Variants in CNTN5 observed in about 807,000 individuals in gnomAD.
The protein encoded by CNTN5 is contactin-5.
CNTN5 carries 77 observed loss-of-function variants against 129.1 expected under a neutral mutation model. The ratio of observed to expected loss-of-function variants is 0.60; its 90% CI spans 0.50 to 0.72. The LOEUF is 0.72. Ranked by LOEUF, CNTN5 falls within the 30% of genes least tolerant of loss-of-function variation. The pLI, the probability that CNTN5 is intolerant of heterozygous loss-of-function variation, is 0.00. For missense variants in CNTN5, 1,478 were observed against 1,328.8 expected (o/e 1.11, Z -1.75); for synonymous variants, 509 against 465.6 (o/e 1.09, Z -1.20).
intron 2 of CNTN5, among the ~76,000 whole-genome samples, chr11:99,418,312 A>T (rs1280393799): frequency 6.6e-6 from 1 of 152,160 alleles, no homozygotes; most frequent in Non-Finnish European, 1.5e-5. Flanking sequence ...TTCTTACTCT[A>T]TGTGGAAAAT....
chr11:100,308,932 C>T (rs1043333907), intron 21 of CNTN5: 21 of 983,972 alleles, frequency 2.1e-5, no homozygotes, highest in South Asian at 4.7e-5. Context: ...TTTTTTTGGT[C>T]CCTTAAATGT....
intron 3 of CNTN5, among the ~76,000 whole-genome samples, chr11:99,596,074 G>A (rs1950117163): frequency 1.3e-5 from 2 of 152,036 alleles, no homozygotes; most frequent in Non-Finnish European, 2.9e-5. Context: ...ATAATCTTTT[G>A]GGTCTTGCCT....
At chr11:99,037,346 T>G (rs1283636707) in intron 1 of CNTN5, among the ~76,000 whole-genome samples, 1 of 152,160 alleles carries the variant, frequency 6.6e-6, no homozygotes, top group Non-Finnish European at 1.5e-5. Flanking sequence ...TCGTTTCTAC[T>G]GCTTAAAGAA....
chr11:100,073,133 G>A (rs112577799), intron 12 of CNTN5, among the ~76,000 whole-genome samples: 21,073 of 151,554 alleles, frequency 0.14, 1,963 homozygotes, highest in African/African-American at 0.26. Flanking sequence ...TGCAACCTCC[G>A]CCTCCAGGGT....
chr11:100,243,287 G>C (rs1437166160), intron 16 of CNTN5, among the ~76,000 whole-genome samples: 2 of 152,190 alleles, frequency 1.3e-5, no homozygotes, highest in East Asian at 3.8e-4. Flanking sequence ...TAAACCAAAG[G>C]CTTCAGTGTT....
chr11:100,315,122 G>C (rs888779802), intron 21 of CNTN5, among the ~76,000 whole-genome samples: 2 of 152,066 alleles, frequency 1.3e-5, no homozygotes, highest in African/African-American at 4.8e-5. Context: ...CTGATAACTT[G>C]GTTTTGATAA....
At chr11:99,316,045 A>T (rs972182857) in intron 1 of CNTN5, among the ~76,000 whole-genome samples, 2 of 151,700 alleles carry the variant, frequency 1.3e-5, no homozygotes, top group Admixed American at 6.6e-5. Flanking sequence ...TTTAATTTGG[A>T]TGATAAAGGT....
intron 2 of CNTN5, among the ~76,000 whole-genome samples, chr11:99,489,939 G>T (rs1057226935): frequency 1.3e-5 from 2 of 152,104 alleles, no homozygotes; most frequent in African/African-American, 4.8e-5. Context: ...TATTATGGGG[G>T]ATTGAAACAA....
chr11:99,264,373 G>T, intron 1 of CNTN5, among the ~76,000 whole-genome samples: 1 of 151,692 alleles, frequency 6.6e-6, no homozygotes. Flanking sequence ...TGTAATTTTA[G>T]GATAAAAACA....
chr11:100,017,668 A>G (rs557176838), intron 9 of CNTN5, among the ~76,000 whole-genome samples: 2 of 152,184 alleles, frequency 1.3e-5, no homozygotes, highest in South Asian at 4.1e-4. Flanking sequence ...ATAGTACTGG[A>G]AAGATTTTAG....
In CNTN5 at chr11:99,021,145, C is replaced by G. The variant is rs990021312; in HGVS notation, c.-335C>G. ...CTGAATGATTAAGAACTCCGCAATT[C>G]GCCTCTGCCACAGGCTGCAAAGGAC... is the stretch of plus-strand genomic sequence containing the variant. On this transcript the variant is annotated 5_prime_UTR_variant, in exon 1 of 25. Coordinates refer to ENST00000524871, the MANE Select transcript of CNTN5 (RefSeq NM_014361.4). The G allele has an allele frequency of 6.6e-6, 1 of 152,374 alleles. No individual in the cohort carries two copies. The highest frequency in any genetic ancestry group is 1.5e-5 in the Non-Finnish European group (1 of 68,206). 9.4% of individuals were successfully genotyped at this position (152,374 alleles called of 1,614,324 possible).
chr11:99,865,905 T>A (rs986067972), intron 6 of CNTN5, among the ~76,000 whole-genome samples: 3 of 152,184 alleles, frequency 2.0e-5, no homozygotes, highest in Non-Finnish European at 4.4e-5. Context: ...GATTCAAGTT[T>A]TTTAGTTTTT....
At chr11:99,861,370 T>A (rs1371761902) in intron 6 of CNTN5, among the ~76,000 whole-genome samples, 2 of 152,228 alleles carry the variant, frequency 1.3e-5, no homozygotes, top group African/African-American at 4.8e-5. Flanking sequence ...TTGTAGGTCA[T>A]GCTTTCTTAA....
At chr11:100,316,506 C>T (rs1175291169) in intron 21 of CNTN5, among the ~76,000 whole-genome samples, 3 of 152,152 alleles carry the variant, frequency 2.0e-5, no homozygotes, top group Non-Finnish European at 4.4e-5. Context: ...TCTGAAGAAA[C>T]AGTGTGAATA....
chr11:99,743,460 A>C (rs1438882530), intron 3 of CNTN5, among the ~76,000 whole-genome samples: 1 of 152,116 alleles, frequency 6.6e-6, no homozygotes, highest in Non-Finnish European at 1.5e-5. Flanking sequence ...TCCCATAAAA[A>C]CTGTGTGTCG....
chr11:99,664,152 T>C (rs541756812), intron 3 of CNTN5, among the ~76,000 whole-genome samples: 3 of 152,324 alleles, frequency 2.0e-5, no homozygotes, highest in African/African-American at 7.2e-5. Flanking sequence ...GTGTTCATTA[T>C]ATTCTTTGGA....
Position 99,617,508 on chromosome 11 carries a change from G to A in CNTN5, c.55+61239G>A, listed in dbSNP as rs77932391. 5.0e-3 allele frequency among the ~76,000 whole-genome samples: 768 copies of A among 152,208 alleles called. 21 individuals carry two copies. In the East Asian group the frequency reaches 0.092, roughly 18 times the overall value. On this transcript the variant is annotated intron_variant, in intron 3 of 24. Transcript: ENST00000524871. The stretch of plus-strand genomic sequence containing the variant: ...TGGCTATATTAGTCCATAGAAAAGT[G>A]ACACATAAACTTTAGTAGAGACTAA...
At chr11:100,126,432 T>C (rs894321640) in intron 13 of CNTN5, among the ~76,000 whole-genome samples, 1 of 152,132 alleles carries the variant, frequency 6.6e-6, no homozygotes, top group Non-Finnish European at 1.5e-5. Flanking sequence ...TTTTTGTAGG[T>C]CTAGAAGTAC....
chr11:99,091,437 G>A (rs1866246802), intron 1 of CNTN5, among the ~76,000 whole-genome samples: 1 of 152,176 alleles, frequency 6.6e-6, no homozygotes, highest in Non-Finnish European at 1.5e-5. Context: ...AAGGCACAAG[G>A]AACCAAGACG....
Sources: gnomAD v4.1 joint callset for allele counts (sites outside exome capture counted in the v4.1 genomes callset) on GRCh38, gnomAD v4.1.1 for gene constraint, MANE v1.5 for transcripts, NCBI Gene and HGNC (gene_info 2026-07-23, HGNC 2026-07-21) for gene names.